CASK: variants seen among roughly 807,000 people sequenced by gnomAD.
The protein encoded by CASK is peripheral plasma membrane protein CASK.
In CASK, 4 loss-of-function variants were observed where a neutral mutation model predicts 82.9. The ratio of observed to expected loss-of-function variants is 0.05; its 90% CI spans 0.02 to 0.11. The LOEUF (loss-of-function observed/expected upper bound fraction) is 0.11, where lower values mean the gene tolerates loss of function less well. Ranked by LOEUF, CASK falls within the 10% of genes least tolerant of loss-of-function variation. The pLI is 1.00. For missense variants in CASK, 358 were observed against 720.9 expected (o/e 0.50, Z 5.76); for synonymous variants, 259 against 253.5 (o/e 1.02, Z -0.20).
Position 41,518,479 on chromosome X carries a change from C to A in CASK, c.*1941G>T, listed in dbSNP as rs1365631302. The A allele has an allele frequency of 9.1e-6, 1 of 109,402 alleles. No homozygotes were observed. The highest frequency in any genetic ancestry group is 3.3e-5 in the African/African-American group (1 of 29,979). 9.0% of individuals were successfully genotyped at this position (109,402 alleles called of 1,213,427 possible). A position where few individuals can be genotyped will look rare whatever the true frequency, so the allele number is the denominator to read the frequency against. On this transcript the variant is annotated 3_prime_UTR_variant, in exon 27 of 27. Transcript: ENST00000378163. ...GTGGCTTGGTCACCCCACTGTGGGG[C>A]CCATACAGAAGTAGTTCACTCAATA...
At chrX:41,706,772 C>T (rs2067893480) in intron 5 of CASK, among the ~76,000 whole-genome samples, 1 of 111,714 alleles carries the variant, frequency 9.0e-6, no homozygotes, top group African/African-American at 3.3e-5. Context: ...CTGCCTCAGT[C>T]TCCCACGTAG....
chrX:41,719,344 T>C (rs755251691), intron 5 of CASK, among the ~76,000 whole-genome samples: 2 of 112,197 alleles, frequency 1.8e-5, no homozygotes, highest in East Asian at 2.8e-4. Flanking sequence ...GTGAAGTTAC[T>C]AGCGGAATTT....
At chrX:41,718,375 C>G (rs902104542) in intron 5 of CASK, among the ~76,000 whole-genome samples, 1 of 113,089 alleles carries the variant, frequency 8.8e-6, no homozygotes, top group African/African-American at 3.2e-5. Flanking sequence ...TGATTTATAG[C>G]CTGTCGGTCA....
intron 5 of CASK, among the ~76,000 whole-genome samples, chrX:41,698,872 C>G (rs2067740487): frequency 1.8e-5 from 2 of 111,380 alleles, no homozygotes; most frequent in Non-Finnish European, 3.8e-5. Context: ...AGATTTTGAT[C>G]AGAACTGAGT....
intron 16 of CASK, among the ~76,000 whole-genome samples, chrX:41,567,391 A>G (rs1476047794): frequency 8.9e-6 from 1 of 112,470 alleles, no homozygotes; most frequent in Non-Finnish European, 1.9e-5. Context: ...CAAATTTACA[A>G]GAAAAAAACA....
chrX:41,806,817 T>C (rs761670696), intron 2 of CASK, among the ~76,000 whole-genome samples: 49 of 111,914 alleles, frequency 4.4e-4, no homozygotes, highest in African/African-American at 1.5e-3. Flanking sequence ...CACACACAGC[T>C]ACAATATTTA....
intron 5 of CASK, among the ~76,000 whole-genome samples, chrX:41,678,499 T>C (rs1367861812): frequency 4.5e-5 from 5 of 112,186 alleles, no homozygotes; most frequent in Non-Finnish European, 9.4e-5. Flanking sequence ...TTTAGTTTTA[T>C]GCACTAATAC....
chrX:41,784,989 G>A (rs5964049), intron 3 of CASK, among the ~76,000 whole-genome samples: 1,583 of 101,346 alleles, frequency 0.016, 34 homozygotes, highest in African/African-American at 0.053. Context: ...GGGTACATAC[G>A]TTTTTCAAAA....
intron 10 of CASK, among the ~76,000 whole-genome samples, chrX:41,625,020 G>C (rs1301056643): frequency 9.1e-6 from 1 of 110,399 alleles, no homozygotes; most frequent in Non-Finnish European, 1.9e-5. Flanking sequence ...AATAAAAAAT[G>C]CATAAATAAA....
At chrX:41,792,767 A>T (rs1466227326) in intron 2 of CASK, among the ~76,000 whole-genome samples, 1 of 112,082 alleles carries the variant, frequency 8.9e-6, no homozygotes, top group African/African-American at 3.2e-5. Flanking sequence ...TAATCATACT[A>T]AAATTAATAA....
At chrX:41,696,606 G>A (rs748736890) in intron 5 of CASK, 12 of 1,209,066 alleles carry the variant, frequency 9.9e-6, no homozygotes, top group Non-Finnish European at 1.1e-5. Context: ...CTTAGATCCA[G>A]TCATGTATTT....
intron 14 of CASK, among the ~76,000 whole-genome samples, chrX:41,579,070 G>A (rs765986452): frequency 2.7e-5 from 3 of 111,926 alleles, no homozygotes; most frequent in Non-Finnish European, 5.6e-5. Context: ...TATAAATAGA[G>A]TTGGCAAATT....
At chrX:41,759,219 T>C (rs2068952746) in intron 3 of CASK, among the ~76,000 whole-genome samples, 1 of 111,937 alleles carries the variant, frequency 8.9e-6, no homozygotes, top group Non-Finnish European at 1.9e-5. Flanking sequence ...TTTTGTTGTA[T>C]GTGCATGTGT....
At chrX:41,593,648 T>C (rs777115459) in intron 12 of CASK, among the ~76,000 whole-genome samples, 2 of 111,968 alleles carry the variant, frequency 1.8e-5, no homozygotes, top group Non-Finnish European at 3.8e-5. Context: ...AGTATCTTGA[T>C]GTATATGCAT....
At chrX:41,660,801 A>T (rs1047637125) in intron 7 of CASK, among the ~76,000 whole-genome samples, 1 of 112,218 alleles carries the variant, frequency 8.9e-6, no homozygotes, top group Non-Finnish European at 1.9e-5. Flanking sequence ...TGTAAGTGAT[A>T]ATATTTTCAA....
chrX:41,896,931 C>T (rs1350521728), intron 1 of CASK, among the ~76,000 whole-genome samples: 1 of 111,884 alleles, frequency 8.9e-6, no homozygotes, highest in Non-Finnish European at 1.9e-5. Flanking sequence ...ATCCCTACTC[C>T]CTCCTCCCCC....
intron 5 of CASK, chrX:41,728,581 T>G (rs2068310284): frequency 8.3e-6 from 1 of 120,218 alleles, no homozygotes; most frequent in Admixed American, 9.5e-5. Flanking sequence ...CTGTCTCTAC[T>G]AAAAATACAA....
intron 12 of CASK, among the ~76,000 whole-genome samples, chrX:41,591,938 C>A (rs754865152): frequency 1.8e-5 from 2 of 110,898 alleles, no homozygotes; most frequent in African/African-American, 3.3e-5. Context: ...TAAGTGAATA[C>A]ATAAAAATAT....
At chrX:41,634,240 A>G (rs899354235) in intron 9 of CASK, among the ~76,000 whole-genome samples, 2 of 112,335 alleles carry the variant, frequency 1.8e-5, no homozygotes, top group Admixed American at 1.9e-4. Context: ...GGAAGTTGCA[A>G]TCTCTGTTCT....
Sources: gnomAD v4.1 joint callset for allele counts (sites outside exome capture counted in the v4.1 genomes callset) on GRCh38, gnomAD v4.1.1 for gene constraint, MANE v1.5 for transcripts, NCBI Gene and HGNC (gene_info 2026-07-23, HGNC 2026-07-21) for gene names.